Variants in TRIOBP observed in about 807,000 individuals in gnomAD.
TRIOBP encodes TRIO and F-actin binding protein.
Under a neutral mutation model 238.8 loss-of-function variants are expected in TRIOBP, and 169 were observed. The ratio of observed to expected loss-of-function variants is 0.71; its 90% CI spans 0.62 to 0.80. TRIOBP has a LOEUF of 0.80. TRIOBP is among the 30% of genes least tolerant of loss of function. TRIOBP has a pLI of 0.00. For missense variants in TRIOBP, 2,838 were observed against 3,122.6 expected, an observed-to-expected ratio of 0.91 and a Z score of 2.17; for synonymous variants, 1,150 against 1,274.4, an observed-to-expected ratio of 0.90 and a Z score of 2.08.
At position 37,725,643 on chromosome 22, in the gene TRIOBP, C is replaced by A. The variant is rs763921724; in HGVS notation, c.3087C>A (p.Pro1029=). The change falls in exon 7 of 24, where the codon CCC becomes CCA. Residue 1029 remains proline (P), a synonymous_variant. Transcript: ENST00000644935. ...GGGATGCCCCTCGAGCCTCTTCGCC[C>A]CCTCGCTATTTGCAGCACGACCCCT... ...GHRDAPRASS[P]PRYLQHDPFP... 6.2e-7 allele frequency: 1 copy of A among 1,610,314 alleles called. No individual in the cohort carries two copies. Among genetic ancestry groups the A allele is most frequent in the Non-Finnish European group, 8.5e-7 (1 of 1,178,672 alleles).
At chr22:37,733,174 C>T in intron 7 of TRIOBP, 124 bp from the exon 8 acceptor site, 1 of 761,414 alleles carries the variant, frequency 1.3e-6, no homozygotes, top group Non-Finnish European at 2.3e-6. Context: ...ACTTAGGGCC[C>T]TTCAACGAGC....
At chr22:37,704,121 GACTC>G (rs1193507977) in intron 3 of TRIOBP, among the ~76,000 whole-genome samples, 1 of 152,184 alleles carries the variant, frequency 6.6e-6, no homozygotes, top group Non-Finnish European at 1.5e-5. Context: ...CAGGCACAGT[GACTC>G]ACTCCTGTAA....
At position 37,755,088 on chromosome 22, in the gene TRIOBP, C is replaced by T; in HGVS notation, c.5488-13C>T. On this transcript the variant is annotated splice_polypyrimidine_tract_variant and intron_variant, in intron 13 of 23. Transcript: ENST00000644935. ...AGGGCCCACACGGACCATAGTGGGCCCTCTTGCTCCAGGCAGATGAGCTGG... is the reference window on the plus strand; with the variant it reads ...AGGGCCCACACGGACCATAGTGGGCTCTCTTGCTCCAGGCAGATGAGCTGG... The T allele has an allele frequency of 6.2e-7, 1 of 1,612,294 alleles. No homozygotes were observed. Among genetic ancestry groups the T allele is most frequent in the Non-Finnish European group, 8.5e-7 (1 of 1,179,276 alleles).
At chr22:37,719,810 C>A (rs567513695) in intron 6 of TRIOBP, among the ~76,000 whole-genome samples, 13 of 152,132 alleles carry the variant, frequency 8.5e-5, no homozygotes, top group Admixed American at 2.0e-4. Context: ...TGGGCCCCTT[C>A]TGTCTTCTCC....
In TRIOBP at chr22:37,758,277, C is replaced by T. The variant is rs1926053058; in HGVS notation, c.6213+139C>T. 8 of 1,129,142 alleles carry T rather than the reference C, an allele frequency of 7.1e-6. No homozygotes were observed. In the South Asian group the frequency reaches 9.6e-5, roughly 14 times the overall value. The allele number at this position is 1,129,142 out of a possible 1,614,324, so 69.9% of individuals were successfully genotyped here. ...TGATCTGCTGTGAGTGTGCACCCCA[C>T]ACTCCTGCGAACTAGAATCTTCTTC... On this transcript the variant is annotated intron_variant, in intron 16 of 23. Coordinates refer to ENST00000644935, the MANE Select transcript of TRIOBP (RefSeq NM_001039141.3).
At position 37,715,882 on chromosome 22, in the gene TRIOBP, T is replaced by G; in HGVS notation, c.576T>G (p.Ser192=). 6.2e-7 allele frequency: 1 copy of G among 1,613,598 alleles called. No individual in the cohort carries two copies. The change falls in exon 6 of 24, where the codon TCT becomes TCG. Residue 192 remains serine (S), a synonymous_variant. Coordinates refer to ENST00000644935, the MANE Select transcript of TRIOBP (RefSeq NM_001039141.3). The stretch of plus-strand genomic sequence containing the variant: ...CTGACAGCTCCCAAAGGGCTCCGTC[T>G]CTCCTCACCAGGTCCCCTGTGGGAG... ...PRADSSQRAP[S]LLTRSPVGGD... is the part of the protein sequence containing the mutation.
chr22:37,772,556 G>A (rs1415907532), intron 22 of TRIOBP, 45 bp from the exon 23 acceptor site: 1 of 1,613,296 alleles, frequency 6.2e-7, no homozygotes, highest in Admixed American at 1.7e-5. Flanking sequence ...TGGCAGGGCT[G>A]GAGGGAGAGA....
rs1448407838 is a variant in TRIOBP at position 37,757,737 on chromosome 22, G to A, written c.5812G>A (p.Gly1938Arg). Reference sequence around the variant, plus strand: ...CCGGGGTGGCCCTCGGAAGGCGGACGGGCAGCGTCAGGCCTTGGACTACGT... The same window carrying A: ...CCGGGGTGGCCCTCGGAAGGCGGACAGGCAGCGTCAGGCCTTGGACTACGT... ...ISRGGPRKAD[G>R]QRQALDYVEL... is the part of the protein sequence containing the mutation. The change falls in exon 16 of 24, where the codon GGG becomes AGG. Residue 1938 changes from glycine (G) to arginine (R), a missense_variant. Gly to Arg is a moderately radical substitution (Grantham distance 125). Coordinates refer to ENST00000644935, the MANE Select transcript of TRIOBP (RefSeq NM_001039141.3). 8.3e-6 allele frequency: 13 copies of A among 1,571,134 alleles called. No individual in the cohort carries two copies. Among genetic ancestry groups the A allele is most frequent in the African/African-American group, 4.1e-5 (3 of 73,958 alleles).
intron 21 of TRIOBP, among the ~76,000 whole-genome samples, chr22:37,770,479 G>A (rs1317657378): frequency 1.3e-5 from 2 of 148,658 alleles, no homozygotes; most frequent in Non-Finnish European, 3.0e-5. Context: ...AAAAAAAAAA[G>A]CGATTATCCT....
chr22:37,765,213 G>A lies in TRIOBP; in HGVS notation c.6325-457G>A, dbSNP rs558003290. 8.4e-4 allele frequency among the ~76,000 whole-genome samples: 128 copies of A among 152,320 alleles called. 1 individual carries two copies. Among genetic ancestry groups the A allele is most frequent in the African/African-American group, 2.9e-3 (121 of 41,566 alleles). On this transcript the variant is annotated intron_variant, in intron 17 of 23. Coordinates refer to ENST00000644935, the MANE Select transcript of TRIOBP (RefSeq NM_001039141.3). ...GAAGAATCACTTGAACCCAGAGGTG[G>A]AGGTTGCAGTGAGCTGAGATTGCTC...
In TRIOBP at chr22:37,757,255, C is replaced by T. The variant is rs527853297; in HGVS notation, c.5688-358C>T. Among the ~76,000 whole-genome samples the T allele has an allele frequency of 1.1e-4, 16 of 152,224 alleles. No homozygotes were observed. In the East Asian group the frequency reaches 3.1e-3, roughly 29 times the overall value. On this transcript the variant is annotated intron_variant, in intron 15 of 23. Coordinates refer to ENST00000644935, the MANE Select transcript of TRIOBP (RefSeq NM_001039141.3). ...GTGCATGTCTGTAGTCCCAGCTACT[C>T]CAGAGGCCGAGGCAGGAGGATCACT...
intron 6 of TRIOBP, among the ~76,000 whole-genome samples, chr22:37,717,002 T>C (rs566366064): frequency 3.3e-4 from 51 of 152,334 alleles, no homozygotes; most frequent in African/African-American, 1.2e-3. Context: ...TTGGTCTCAC[T>C]GACTTCAAGA....
chr22:37,767,206 G>T (rs1926541538), intron 18 of TRIOBP, among the ~76,000 whole-genome samples: 1 of 151,550 alleles, frequency 6.6e-6, no homozygotes. Context: ...AACCAAGATT[G>T]TGCCACTGCA....
rs1051917293 is a variant in TRIOBP, at chr22:37,775,988, A to G, written c.*2208A>G. 1.3e-5 allele frequency: 2 copies of G among 152,318 alleles called. No homozygotes were observed. The highest frequency in any genetic ancestry group is 4.8e-5 in the African/African-American group (2 of 41,434). The allele number at this position is 152,318 out of a possible 1,614,324, so 9.4% of individuals were successfully genotyped here. A position where few individuals can be genotyped will look rare whatever the true frequency, so the allele number is the denominator to read the frequency against. ...GTGTTCCTAGCCACTGGGAGATGGG[A>G]TGCCTGCCACTGGCAGCTCTGCCGT... On this transcript the variant is annotated 3_prime_UTR_variant, in exon 24 of 24. Coordinates refer to ENST00000644935, the MANE Select transcript of TRIOBP (RefSeq NM_001039141.3).
At chr22:37,743,975 T>G (rs1925091126) in intron 11 of TRIOBP, among the ~76,000 whole-genome samples, 1 of 150,186 alleles carries the variant, frequency 6.7e-6, no homozygotes, top group African/African-American at 2.4e-5. Context: ...ATCCTGGGAA[T>G]TCCTAGTAGT....
At chr22:37,762,544 G>A (rs1569060605) in intron 17 of TRIOBP, among the ~76,000 whole-genome samples, 1 of 152,372 alleles carries the variant, frequency 6.6e-6, no homozygotes, top group South Asian at 2.1e-4. Flanking sequence ...AGTTCAGGCG[G>A]TCTGGTCCCC....
intron 6 of TRIOBP, among the ~76,000 whole-genome samples, chr22:37,718,114 G>GGGCCAGCC (rs1293046440): frequency 6.6e-6 from 1 of 152,178 alleles, no homozygotes; most frequent in African/African-American, 2.4e-5. Context: ...GGGGCCGGCA[G>GGGCCAGCC]GGCCAGCCGG....
At position 37,769,334 on chromosome 22, in the gene TRIOBP, G is replaced by T. The variant is rs1043577876; in HGVS notation, c.6808G>T (p.Gly2270Cys). The change falls in exon 21 of 24, where the codon GGC becomes TGC. Residue 2270 changes from glycine (G) to cysteine (C), a missense_variant. By Grantham distance (159) the Gly-to-Cys change is radical (BLOSUM62 -3). Coordinates refer to ENST00000644935, the MANE Select transcript of TRIOBP (RefSeq NM_001039141.3). ...CATTGCCTCGCAGGGCATGGGCAAT[G>T]GCTGCGGGCGCAGCAACGAGCGGAG... The part of the protein sequence containing the change: ...GFIASQGMGN[G>C]CGRSNERSSC... 2 of 1,611,062 alleles carry T rather than the reference G, an allele frequency of 1.2e-6. No homozygotes were observed. Among genetic ancestry groups the T allele is most frequent in the East Asian group, 4.5e-5 (2 of 44,796 alleles).
In TRIOBP at chr22:37,734,884, T is replaced by C. The variant is rs770934306; in HGVS notation, c.4548T>C (p.Pro1516=). ...AGAGAAGCCCACTCACGAGCCCCCCTGAGAACTGGGGAGGCCCCGCAGAGT... is the reference window on the plus strand; with the variant it reads ...AGAGAAGCCCACTCACGAGCCCCCCCGAGAACTGGGGAGGCCCCGCAGAGT... ...LGKRSPLTSP[P]ENWGGPAESS... The change falls in exon 9 of 24, where the codon CCT becomes CCC. Residue 1516 remains proline (P), a synonymous_variant. Transcript: ENST00000644935. 3.1e-6 allele frequency: 5 copies of C among 1,612,948 alleles called. No homozygotes were observed. The highest frequency in any genetic ancestry group is 4.2e-6 in the Non-Finnish European group (5 of 1,179,974).
Sources: allele counts gnomAD v4.1 joint callset (sites outside exome capture counted in the v4.1 genomes callset), GRCh38; gene constraint gnomAD v4.1.1; transcripts MANE v1.5; gene names NCBI Gene and HGNC (gene_info 2026-07-23, HGNC 2026-07-21).